Variants in AIM2 observed in about 807,000 individuals in gnomAD.
AIM2 encodes the protein absent in melanoma 2.
A neutral mutation model predicts 27.7 loss-of-function variants in AIM2; 30 were observed. That is an observed-to-expected ratio of 1.08 (90% CI 0.81 to 1.47). AIM2 has a LOEUF of 1.47. Ranked by LOEUF, AIM2 falls within the 40% of genes most tolerant of loss-of-function variation. AIM2 has a pLI of 0.00. For synonymous variants in AIM2, 141 were observed against 145.3 expected (o/e 0.97, Z 0.21); for missense variants, 358 against 411.3 (o/e 0.87, Z 1.12).
intron 1 of AIM2, among the ~76,000 whole-genome samples, chr1:159,106,970 C>T (rs1212592108): frequency 6.6e-6 from 1 of 152,212 alleles, no homozygotes; most frequent in East Asian, 1.9e-4. Context: ...ACCATTACTG[C>T]AGGACTAGCT....
At chr1:159,136,674 A>G (rs1648014761) in intron 1 of AIM2, among the ~76,000 whole-genome samples, 1 of 152,220 alleles carries the variant, frequency 6.6e-6, no homozygotes, top group South Asian at 2.1e-4. Flanking sequence ...ATTCTATTCC[A>G]TTATAATTTA....
At chr1:159,056,862 A>G in the AIM2 span, among the ~76,000 whole-genome samples, 1 of 151,456 alleles carries the variant, frequency 6.6e-6, no homozygotes. Context: ...ATCTGACGGG[A>G]GTGTCCCGTA....
At chr1:159,103,775 C>A (rs1446902990) in intron 1 of AIM2, among the ~76,000 whole-genome samples, 1 of 152,226 alleles carries the variant, frequency 6.6e-6, no homozygotes, top group Admixed American at 6.5e-5. Flanking sequence ...TCCCGAATAA[C>A]AAATCTGCAG....
the AIM2 span, among the ~76,000 whole-genome samples, chr1:159,056,748 A>AAAG: frequency 2.9e-5 from 4 of 138,620 alleles, no homozygotes; most frequent in East Asian, 8.7e-4. Context: ...AAAAAAAAAA[A>AAAG]CTACCCTTTA....
chr1:159,074,419 T>A (rs1656504795), intron 1 of AIM2, among the ~76,000 whole-genome samples: 1 of 152,134 alleles, frequency 6.6e-6, no homozygotes, highest in Admixed American at 6.5e-5. Context: ...TTTCCCAGAA[T>A]CATATGTTAA....
intron 1 of AIM2, among the ~76,000 whole-genome samples, chr1:159,111,146 C>A (rs1269495182): frequency 2.0e-5 from 3 of 152,108 alleles, no homozygotes; most frequent in Non-Finnish European, 4.4e-5. Flanking sequence ...ACAACCACAG[C>A]AAGAACAGGT....
chr1:159,077,733 C>T (rs1286509455), upstream of AIM2, among the ~76,000 whole-genome samples: 2 of 152,152 alleles, frequency 1.3e-5, no homozygotes, highest in Admixed American at 1.3e-4. Flanking sequence ...TTCTTCCTAA[C>T]CCAGGCTCCT....
chr1:159,065,998 A>G lies in AIM2; in HGVS notation c.728T>C (p.Ile243Thr). Residue 243 changes from isoleucine to threonine, a missense_variant, in exon 4 of 6, where the codon ATC (isoleucine) becomes ACC (threonine). Physicochemically the swap from Ile to Thr is moderately conservative, Grantham distance 89. Coordinates refer to ENST00000368130, the MANE Select transcript of AIM2 (RefSeq NM_004833.3). The stretch of plus-strand genomic sequence containing the variant: ...CTTCGGGGTTTCACCAGCTTTTCTG[A>G]TAATGTTCAGCGGGACATTAACCTT... Reference protein sequence around the residue: ...DQKVNVPLNIIRKAGETPKIN... With the variant: ...DQKVNVPLNITRKAGETPKIN... The G allele has an allele frequency of 6.2e-7, 1 of 1,614,160 alleles. No individual in the cohort carries two copies. The highest frequency in any genetic ancestry group is 8.5e-7 in the Non-Finnish European group (1 of 1,180,016).
intron 1 of AIM2, among the ~76,000 whole-genome samples, chr1:159,114,358 T>C (rs887843436): frequency 5.9e-5 from 9 of 151,986 alleles, no homozygotes; most frequent in African/African-American, 1.9e-4. Context: ...TGGCCTTGAG[T>C]TTAGTGGGAA....
At chr1:159,087,333 A>AC (rs962155731) in intron 1 of AIM2, among the ~76,000 whole-genome samples, 24 of 151,652 alleles carry the variant, frequency 1.6e-4, no homozygotes, top group Non-Finnish European at 2.8e-4. Context: ...TGATAAAAAA[A>AC]AAAAATGATC....
rs979306255 is a variant in AIM2 at position 159,065,850 on chromosome 1, G to T, written c.816+60C>A. ...AAAACCATTTCCAAAGTTTCTTTAA[G>T]ATCAGATGGGAAATACGTTATTCTT... On this transcript the variant is annotated intron_variant, in intron 4 of 5. Transcript: ENST00000368130. 1.0e-5 allele frequency: 15 copies of T among 1,490,062 alleles called. No individual in the cohort carries two copies. In the African/African-American group the frequency reaches 2.0e-4, roughly 20 times the overall value. The allele number at this position is 1,490,062 out of a possible 1,614,324, so 92.3% of individuals were successfully genotyped here.
intron 3 of AIM2, among the ~76,000 whole-genome samples, chr1:159,067,216 G>A (rs1390240937): frequency 6.6e-6 from 1 of 152,074 alleles, no homozygotes. Context: ...ACACACTAGA[G>A]AGATATTTAC....
Position 159,075,596 on chromosome 1 carries a change from CTA to C in AIM2, c.-21+1035_-21+1036del, listed in dbSNP as rs149638835. ...ACACATATATATATGGCTATACCTG[CTA>C]TATATATATATATAGAGAGAGAGAG... On this transcript the variant is annotated intron_variant, in intron 1 of 5. Coordinates refer to ENST00000368130, the MANE Select transcript of AIM2 (RefSeq NM_004833.3). Among the ~76,000 whole-genome samples, 654 of 122,992 alleles carry C rather than the reference CTA, an allele frequency of 5.3e-3. 14 individuals carry two copies. The East Asian group carries it at 0.065, about 12-fold the overall frequency. The allele number at this position is 122,992 out of a possible 152,430, so 80.7% of individuals were successfully genotyped here. A position where few individuals can be genotyped will look rare whatever the true frequency, so the allele number is the denominator to read the frequency against.
intron 1 of AIM2, among the ~76,000 whole-genome samples, chr1:159,134,756 C>G (rs1047214260): frequency 6.6e-6 from 1 of 152,004 alleles, no homozygotes; most frequent in Admixed American, 6.6e-5. Context: ...CACTTGAGCC[C>G]GAGAGGCGGA....
At chr1:159,131,459 T>C (rs980185555) in intron 1 of AIM2, among the ~76,000 whole-genome samples, 1 of 152,188 alleles carries the variant, frequency 6.6e-6, no homozygotes, top group Non-Finnish European at 1.5e-5. Flanking sequence ...AACTTTGTCA[T>C]ACAGTACATT....
intron 2 of AIM2, among the ~76,000 whole-genome samples, chr1:159,070,085 A>G (rs967659489): frequency 6.6e-6 from 1 of 152,208 alleles, no homozygotes; most frequent in African/African-American, 2.4e-5. Context: ...CGCTTTGACC[A>G]ACACCAACTC....
chr1:159,110,090 T>C (rs551582195), intron 1 of AIM2, among the ~76,000 whole-genome samples: 1 of 152,236 alleles, frequency 6.6e-6, no homozygotes, highest in South Asian at 2.1e-4. Flanking sequence ...GTCATTACAT[T>C]AAAAAGATAC....
intron 1 of AIM2, among the ~76,000 whole-genome samples, chr1:159,112,962 T>G (rs12047874): frequency 0.065 from 9,777 of 150,952 alleles, 875 homozygotes; most frequent in African/African-American, 0.2. Context: ...ATTTTTTTTT[T>G]GGGACGGAGT....
intron 1 of AIM2, among the ~76,000 whole-genome samples, chr1:159,129,780 C>T (rs1647818305): frequency 6.6e-6 from 1 of 152,206 alleles, no homozygotes; most frequent in Non-Finnish European, 1.5e-5. Context: ...CTCTCTTGTT[C>T]CTTCAATGTT....
Sources: gnomAD v4.1 joint callset for allele counts (sites outside exome capture counted in the v4.1 genomes callset) on GRCh38, gnomAD v4.1.1 for gene constraint, MANE v1.5 for transcripts, NCBI Gene and HGNC (gene_info 2026-07-23, HGNC 2026-07-21) for gene names.